MYH15: variants seen among roughly 807,000 people sequenced by gnomAD.
The protein encoded by MYH15 is myosin heavy chain 15.
MYH15 carries 227 observed loss-of-function variants against 240.5 expected under a neutral mutation model. That is an observed-to-expected ratio of 0.94 (90% CI 0.85 to 1.05). MYH15 has a LOEUF of 1.05. Among genes scored for constraint, MYH15 ranks in the 50% least tolerant of loss-of-function variants. MYH15 has a pLI of 0.00. For synonymous variants in MYH15, 785 were observed against 796.7 expected (o/e 0.99, Z 0.25); for missense variants, 2,217 against 2,247.5 (o/e 0.99, Z 0.27).
At chr3:108,409,818 T>C (rs150179207) in intron 31 of MYH15, among the ~76,000 whole-genome samples, 2 of 152,312 alleles carry the variant, frequency 1.3e-5, no homozygotes, top group East Asian at 3.9e-4. Context: ...AATACATGTA[T>C]AGGGATATAT....
At chr3:108,432,263 T>C (rs1420827089) in intron 25 of MYH15, among the ~76,000 whole-genome samples, 1 of 152,168 alleles carries the variant, frequency 6.6e-6, no homozygotes, top group Non-Finnish European at 1.5e-5. Flanking sequence ...TTCACTGTGT[T>C]GCCCAGGCTG....
intron 28 of MYH15, 70 bp downstream of exon 28, chr3:108,421,018 T>A (rs2082678215): frequency 1.9e-6 from 3 of 1,598,186 alleles, no homozygotes; most frequent in Non-Finnish European, 2.6e-6. Flanking sequence ...TAGTTCATTA[T>A]CTCAGTTGTG....
Position 108,459,349 on chromosome 3 carries a change from A to G in MYH15, c.2020+13T>C. 6.6e-7 allele frequency: 1 copy of G among 1,523,726 alleles called. No individual in the cohort carries two copies. Among genetic ancestry groups the G allele is most frequent in the Non-Finnish European group, 9.0e-7 (1 of 1,112,852 alleles). 94.4% of individuals were successfully genotyped at this position (1,523,726 alleles called of 1,614,324 possible). On this transcript the variant is annotated intron_variant, in intron 18 of 40. Transcript: ENST00000693548. ...ATTTCCTAGTGTGAATTACAAAGAAATCTAGTTCTTACCTGGTATTTTGTT... is the reference window on the plus strand; with the variant it reads ...ATTTCCTAGTGTGAATTACAAAGAAGTCTAGTTCTTACCTGGTATTTTGTT...
At chr3:108,389,985 G>C (rs1435716683) in intron 37 of MYH15, among the ~76,000 whole-genome samples, 1 of 152,162 alleles carries the variant, frequency 6.6e-6, no homozygotes, top group African/African-American at 2.4e-5. Context: ...CCTCAGAGAG[G>C]TGCAACGTGA....
chr3:108,537,916 T>C, the MYH15 span, among the ~76,000 whole-genome samples: 3 of 152,196 alleles, frequency 2.0e-5, no homozygotes, highest in Non-Finnish European at 4.4e-5. Context: ...AGTGGGCATG[T>C]GATCATCGCT....
chr3:108,490,041 GTC>G (rs2083334813), intron 9 of MYH15, among the ~76,000 whole-genome samples: 1 of 152,202 alleles, frequency 6.6e-6, no homozygotes, highest in African/African-American at 2.4e-5. Flanking sequence ...TAATCTTGCA[GTC>G]TCTGCTGGTA....
intron 29 of MYH15, among the ~76,000 whole-genome samples, chr3:108,414,733 C>G (rs761730518): frequency 9.9e-5 from 15 of 152,194 alleles, no homozygotes; most frequent in Non-Finnish European, 1.9e-4. Context: ...GCAAAGAGAA[C>G]ATTCACTATC....
At chr3:108,536,243 TGACA>T in the MYH15 span, among the ~76,000 whole-genome samples, 1 of 152,070 alleles carries the variant, frequency 6.6e-6, no homozygotes, top group Admixed American at 6.6e-5. Flanking sequence ...CCATCCTAGG[TGACA>T]GAGTGAGACT....
intron 40 of MYH15, among the ~76,000 whole-genome samples, chr3:108,382,079 G>A (rs974158603): frequency 1.1e-4 from 16 of 152,154 alleles, no homozygotes; most frequent in African/African-American, 3.9e-4. Context: ...TCGAATGCAT[G>A]GCATCTGTTT....
At chr3:108,436,729 G>A (rs1291429401) in intron 25 of MYH15, among the ~76,000 whole-genome samples, 1 of 152,132 alleles carries the variant, frequency 6.6e-6, no homozygotes, top group Non-Finnish European at 1.5e-5. Flanking sequence ...AGTAGAGATG[G>A]GGTTTCACCA....
At chr3:108,435,598 T>G (rs1353935995) in intron 25 of MYH15, among the ~76,000 whole-genome samples, 3 of 149,866 alleles carry the variant, frequency 2.0e-5, no homozygotes, top group African/African-American at 7.5e-5. Context: ...TTTCCCTTAG[T>G]ATAATGTCCT....
chr3:108,391,189 A>G (rs1296136193), intron 37 of MYH15, among the ~76,000 whole-genome samples: 2 of 152,180 alleles, frequency 1.3e-5, no homozygotes, highest in East Asian at 3.9e-4. Flanking sequence ...TGTAGCATTT[A>G]TCATATGCCT....
chr3:108,494,565 C>T (rs1182625395), intron 7 of MYH15, among the ~76,000 whole-genome samples: 1 of 152,094 alleles, frequency 6.6e-6, no homozygotes, highest in African/African-American at 2.4e-5. Flanking sequence ...ATCATCATAG[C>T]TCATTGCAGC....
chr3:108,453,088 T>C (rs2082988349), intron 21 of MYH15, among the ~76,000 whole-genome samples: 1 of 152,222 alleles, frequency 6.6e-6, no homozygotes, highest in East Asian at 1.9e-4. Context: ...AGTCATGATT[T>C]AGAGAGAATG....
chr3:108,450,476 ATG>A (rs2082962952), intron 21 of MYH15, among the ~76,000 whole-genome samples: 1 of 152,194 alleles, frequency 6.6e-6, no homozygotes, highest in East Asian at 1.9e-4. Flanking sequence ...TCTCACTCAT[ATG>A]TGGGATATTA....
At chr3:108,486,553 C>A in intron 9 of MYH15, 27 bp from the exon 10 acceptor site, 1 of 1,499,974 alleles carries the variant, frequency 6.7e-7, no homozygotes, top group South Asian at 1.2e-5. Flanking sequence ...ATTCGTTAAA[C>A]AGCTTAAAGA....
rs746863547 is a variant in MYH15 at position 108,408,408 on chromosome 3, G to C, written c.4496-4C>G. On this transcript the variant is annotated splice_polypyrimidine_tract_variant and splice_region_variant and intron_variant, in intron 31 of 40. Coordinates refer to ENST00000693548, the MANE Select transcript of MYH15 (RefSeq NM_014981.3). The stretch of plus-strand genomic sequence containing the variant: ...TTTGTCAGATTAGAAATCTCTTCTG[G>C]AGACAGAGGTAAGAAAAACAAAGTT... 7.5e-6 allele frequency: 12 copies of C among 1,604,784 alleles called. No individual in the cohort carries two copies. The Admixed American group carries it at 1.9e-4, about 25-fold the overall frequency.
In MYH15 at chr3:108,407,959, G is replaced by A. The variant is rs188357124; in HGVS notation, c.4620+321C>T. ...AACAGCCTCCCAAGCGATGTCCATGGGCCACATGTTGAGTAGTGAGGGTCT... is the reference window on the plus strand; with the variant it reads ...AACAGCCTCCCAAGCGATGTCCATGAGCCACATGTTGAGTAGTGAGGGTCT... On this transcript the variant is annotated intron_variant, in intron 32 of 40. Coordinates refer to ENST00000693548, the MANE Select transcript of MYH15 (RefSeq NM_014981.3). Among the ~76,000 whole-genome samples, 60 of 152,284 alleles carry A rather than the reference G, an allele frequency of 3.9e-4. 1 individual carries two copies. The East Asian group carries it at 0.011, about 27-fold the overall frequency.
chr3:108,546,462 C>T, the MYH15 span, among the ~76,000 whole-genome samples: 1 of 152,132 alleles, frequency 6.6e-6, no homozygotes, highest in African/African-American at 2.4e-5. Flanking sequence ...CAGCTACTTA[C>T]TGGAAAATTA....
Sources: gnomAD v4.1 joint callset for allele counts (sites outside exome capture counted in the v4.1 genomes callset) on GRCh38, gnomAD v4.1.1 for gene constraint, MANE v1.5 for transcripts, NCBI Gene and HGNC (gene_info 2026-07-23, HGNC 2026-07-21) for gene names.